The following SRPK2 variants were observed in gnomAD, a reference collection of about 807,000 sequenced individuals.
The protein encoded by SRPK2 is SFRS protein kinase 2.
Under a neutral mutation model 90.8 loss-of-function variants are expected in SRPK2, and 21 were observed. That is an observed-to-expected ratio of 0.23 (90% CI 0.16 to 0.33). SRPK2 has a LOEUF of 0.33. SRPK2 is among the 10% of genes least tolerant of loss of function. The pLI, the probability that SRPK2 is intolerant of heterozygous loss-of-function variation, is 1.00. For synonymous variants in SRPK2, 288 were observed against 311.1 expected (o/e 0.93, Z 0.78); for missense variants, 620 against 869.0 (o/e 0.71, Z 3.60).
intron 7 of SRPK2, among the ~76,000 whole-genome samples, chr7:105,154,663 T>C (rs1806228765): frequency 6.6e-6 from 1 of 152,120 alleles, no homozygotes; most frequent in African/African-American, 2.4e-5. Flanking sequence ...ATCTACTTCA[T>C]AAAATCTAAT....
chr7:105,348,924 T>C (rs1230342751), intron 2 of SRPK2, among the ~76,000 whole-genome samples: 1 of 151,310 alleles, frequency 6.6e-6, no homozygotes, highest in Admixed American at 6.6e-5. Context: ...GGCGGGCAGA[T>C]CACCTGAGGT....
intron 2 of SRPK2, among the ~76,000 whole-genome samples, chr7:105,322,640 G>A (rs962489436): frequency 6.6e-6 from 1 of 151,948 alleles, no homozygotes; most frequent in African/African-American, 2.4e-5. Flanking sequence ...AAAACATCTT[G>A]GAACTAGACA....
At chr7:105,173,776 C>CATT (rs1791457293) in intron 3 of SRPK2, among the ~76,000 whole-genome samples, 1 of 152,162 alleles carries the variant, frequency 6.6e-6, no homozygotes. Context: ...ATGGACCCTG[C>CATT]TAATAGCATT....
chr7:105,145,332 T>G (rs7780887), intron 8 of SRPK2, 24 bp from the exon 9 acceptor site: 1,299,053 of 1,564,030 alleles, frequency 0.83, 551,498 homozygotes, highest in Non-Finnish European at 0.88. Flanking sequence ...AAACAAAATC[T>G]GTATTTAGCA....
chr7:105,390,075 G>A (rs1822113391), upstream of SRPK2, among the ~76,000 whole-genome samples: 1 of 152,168 alleles, frequency 6.6e-6, no homozygotes, highest in South Asian at 2.1e-4. Context: ...TGCTATCTAT[G>A]TGTCTGTGTG....
At chr7:105,137,785 T>C (rs1266863427) in intron 11 of SRPK2, among the ~76,000 whole-genome samples, 5 of 152,194 alleles carry the variant, frequency 3.3e-5, no homozygotes, top group African/African-American at 7.2e-5. Flanking sequence ...TTTCTTCTAC[T>C]ATGCCCTAAC....
At chr7:105,327,039 C>G (rs938351765) in intron 2 of SRPK2, among the ~76,000 whole-genome samples, 1 of 148,108 alleles carries the variant, frequency 6.8e-6, no homozygotes, top group South Asian at 2.1e-4. Context: ...CTCCAACCAA[C>G]CTGGGCGACA....
intron 2 of SRPK2, among the ~76,000 whole-genome samples, chr7:105,254,444 G>C (rs1802938201): frequency 6.6e-6 from 1 of 152,176 alleles, no homozygotes; most frequent in East Asian, 1.9e-4. Flanking sequence ...GGCTTCACAA[G>C]TGATTCCATT....
intron 2 of SRPK2, chr7:105,298,921 A>C (rs1445891139): frequency 2.7e-6 from 1 of 369,838 alleles, no homozygotes; most frequent in African/African-American, 2.2e-5. Context: ...GCACACAGTG[A>C]ACCCAGTTAT....
In SRPK2 at chr7:105,287,136, C is replaced by A. The variant is rs373887504; in HGVS notation, c.72-83351G>T. Among the ~76,000 whole-genome samples the A allele has an allele frequency of 4.4e-4, 66 of 150,216 alleles. 2 individuals are homozygous for A. The East Asian group carries it at 8.0e-3, about 18-fold the overall frequency. The stretch of plus-strand genomic sequence containing the variant: ...ATTAGCCGGGCGTAGTGGCGGGCGC[C>A]TGTAGTCCCAGCTACTTGGGAGGCT... On this transcript the variant is annotated intron_variant, in intron 2 of 15. Transcript: ENST00000393651.
At chr7:105,138,475 A>C (rs562060082) in intron 11 of SRPK2, among the ~76,000 whole-genome samples, 1 of 152,340 alleles carries the variant, frequency 6.6e-6, no homozygotes, top group East Asian at 1.9e-4. Context: ...TTTTAGAATT[A>C]TTGAGGAAAT....
chr7:105,180,512 T>C (rs1431783856), intron 3 of SRPK2, among the ~76,000 whole-genome samples: 4 of 152,140 alleles, frequency 2.6e-5, no homozygotes, highest in Non-Finnish European at 5.9e-5. Flanking sequence ...TCCTAACACT[T>C]TGGGGGACCA....
chr7:105,202,994 A>G (rs563877669), intron 3 of SRPK2, among the ~76,000 whole-genome samples: 1 of 152,166 alleles, frequency 6.6e-6, no homozygotes, highest in South Asian at 2.1e-4. Context: ...TTTTTATTGT[A>G]CTTTATTTTT....
chr7:105,295,313 T>C (rs1216216422), intron 2 of SRPK2, among the ~76,000 whole-genome samples: 1 of 151,734 alleles, frequency 6.6e-6, no homozygotes, highest in Non-Finnish European at 1.5e-5. Context: ...GTTTGTTTTA[T>C]GTTACAAATT....
At chr7:105,294,726 A>T (rs907432219) in intron 2 of SRPK2, among the ~76,000 whole-genome samples, 10 of 151,936 alleles carry the variant, frequency 6.6e-5, no homozygotes, top group African/African-American at 1.5e-4. Context: ...GGATTTCATC[A>T]TGTTGGCCAG....
At chr7:105,351,673 C>T (rs1244005110) in intron 2 of SRPK2, among the ~76,000 whole-genome samples, 3 of 151,140 alleles carry the variant, frequency 2.0e-5, no homozygotes, top group Non-Finnish European at 4.4e-5. Flanking sequence ...GTGTGGTGGC[C>T]GGCACCTATA....
At chr7:105,330,273 C>G (rs1416486867) in intron 2 of SRPK2, among the ~76,000 whole-genome samples, 1 of 151,452 alleles carries the variant, frequency 6.6e-6, no homozygotes, top group Non-Finnish European at 1.5e-5. Flanking sequence ...GGAGGTGGAG[C>G]TTGCAGTGAG....
intron 7 of SRPK2, among the ~76,000 whole-genome samples, chr7:105,155,262 G>A (rs1318817420): frequency 1.3e-5 from 2 of 152,184 alleles, no homozygotes; most frequent in African/African-American, 2.4e-5. Flanking sequence ...GATTACAGGC[G>A]TGAGCCACTG....
intron 7 of SRPK2, among the ~76,000 whole-genome samples, chr7:105,153,145 C>G (rs775316588): frequency 1.3e-5 from 2 of 152,134 alleles, no homozygotes; most frequent in Non-Finnish European, 2.9e-5. Flanking sequence ...AGGGACGTGA[C>G]TCTCAATCAT....
Sources: allele counts gnomAD v4.1 joint callset (sites outside exome capture counted in the v4.1 genomes callset), GRCh38; gene constraint gnomAD v4.1.1; transcripts MANE v1.5; gene names NCBI Gene and HGNC (gene_info 2026-07-23, HGNC 2026-07-21).